TAB3: variants seen among roughly 807,000 people sequenced by gnomAD.
TAB3 encodes TGF-beta-activated kinase 1 and MAP3K7-binding protein 3.
TAB3 carries 18 observed loss-of-function variants against 48.1 expected under a neutral mutation model. The observed-to-expected ratio is 0.37, with a 90% confidence interval of 0.26 to 0.55. The LOEUF (loss-of-function observed/expected upper bound fraction) is 0.55. Ranked by LOEUF, TAB3 falls within the 20% of genes least tolerant of loss-of-function variation. The probability of loss-of-function intolerance (pLI) is 0.78; values close to 1 mark genes in which losing one functional copy is unlikely to be tolerated. For synonymous variants in TAB3, 185 were observed against 190.2 expected (o/e 0.97, Z 0.22); for missense variants, 414 against 549.8 (o/e 0.75, Z 2.47).
Position 30,855,270 on chromosome X carries a change from GCAA to G in TAB3, c.392_394del (p.Val131del). ...AAATGGATTGTAGTTGGGAGTAGCA[GCAA>G]CAACAGCTGGAGCTGAGTGTGGTTC... On this transcript the variant is annotated inframe_deletion, in exon 6 of 11. Transcript: ENST00000288422. 1 of 1,211,617 alleles carries G rather than the reference GCAA, an allele frequency of 8.3e-7. No individual in the cohort carries two copies. The highest frequency in any genetic ancestry group is 1.1e-6 in the Non-Finnish European group (1 of 895,431).
chrX:30,872,617 A>C (rs1045124851), intron 1 of TAB3, among the ~76,000 whole-genome samples: 7 of 112,778 alleles, frequency 6.2e-5, no homozygotes. Context: ...GTGAATGAGA[A>C]AGCAGTTTGT....
chrX:30,834,282 C>T (rs1938120847), intron 9 of TAB3, 130 bp from the exon 10 acceptor site: 3 of 529,800 alleles, frequency 5.7e-6, no homozygotes, highest in Admixed American at 6.6e-5. Flanking sequence ...CTTCATGTTA[C>T]CTTTAGCAAG....
At chrX:30,859,861 C>T (rs1379194660) in intron 4 of TAB3, 183 bp from the exon 5 acceptor site, 1 of 350,610 alleles carries the variant, frequency 2.9e-6, no homozygotes, top group Non-Finnish European at 4.8e-6. Flanking sequence ...CTGTGCTTAC[C>T]CTCACAGAAA....
chrX:30,844,849 T>C (rs1424966750), intron 8 of TAB3: 6 of 112,359 alleles, frequency 5.3e-5, no homozygotes, highest in Non-Finnish European at 9.4e-5. Context: ...TTAGACCGAG[T>C]CTCCTTCTGT....
At chrX:30,849,199 A>G (rs1487632449) in intron 7 of TAB3, among the ~76,000 whole-genome samples, 3 of 112,484 alleles carry the variant, frequency 2.7e-5, no homozygotes, top group Non-Finnish European at 5.6e-5. Flanking sequence ...CATTTCACAT[A>G]CAGATCTAAG....
At chrX:30,856,155 G>A (rs997400730) in intron 5 of TAB3, among the ~76,000 whole-genome samples, 2 of 111,173 alleles carry the variant, frequency 1.8e-5, no homozygotes, top group East Asian at 2.8e-4. Context: ...GAACCATTAC[G>A]TAAGATTTAA....
chrX:30,881,128 G>A (rs1171788580), intron 1 of TAB3, among the ~76,000 whole-genome samples: 6 of 111,121 alleles, frequency 5.4e-5, no homozygotes, highest in Admixed American at 3.8e-4. Flanking sequence ...AAAGAAGTCA[G>A]AGACAAAAGA....
Position 30,874,138 on chromosome X carries a change from C to T in TAB3, c.-382-2337G>A, listed in dbSNP as rs185196221. Among the ~76,000 whole-genome samples the T allele has an allele frequency of 3.8e-4, 42 of 111,817 alleles. No homozygotes were observed. The East Asian group carries it at 8.7e-3, about 23-fold the overall frequency. ...AGTGAACCATGATCATGCCACTGCA[C>T]TCTAGCCTGGGGGACAGAGTGAGAC... is the stretch of plus-strand genomic sequence containing the variant. On this transcript the variant is annotated intron_variant, in intron 1 of 10. Transcript: ENST00000288422.
At chrX:30,882,058 G>C (rs1353672398) in intron 1 of TAB3, among the ~76,000 whole-genome samples, 1 of 111,980 alleles carries the variant, frequency 8.9e-6, no homozygotes, top group African/African-American at 3.2e-5. Context: ...CAGCCTAACA[G>C]ATAACTTGCT....
intron 1 of TAB3, among the ~76,000 whole-genome samples, chrX:30,874,702 A>G (rs1288983422): frequency 8.9e-6 from 1 of 111,904 alleles, no homozygotes; most frequent in African/African-American, 3.3e-5. Context: ...GAAGTATAGG[A>G]GCATTGACTC....
chrX:30,831,308 C>T lies in TAB3; in HGVS notation c.*119G>A. On this transcript the variant is annotated 3_prime_UTR_variant, in exon 11 of 11. Coordinates refer to ENST00000288422, the MANE Select transcript of TAB3 (RefSeq NM_152787.5). ...CAACGACGACCACAAAGCCATTCCT[C>T]CTCCCCGCTGTGCAATCGAAAATGA... 1 of 871,278 alleles carries T rather than the reference C, an allele frequency of 1.1e-6. No homozygotes were observed. Among genetic ancestry groups the T allele is most frequent in the Non-Finnish European group, 1.5e-6 (1 of 650,036 alleles). The allele number at this position is 871,278 out of a possible 1,213,427, so 71.8% of individuals were successfully genotyped here.
rs751665169 is a variant in TAB3 at position 30,859,557 on chromosome X, T to C, written c.32A>G (p.Gln11Arg). 8.3e-7 allele frequency: 1 copy of C among 1,209,921 alleles called. No homozygotes were observed. Among genetic ancestry groups the C allele is most frequent in the Non-Finnish European group, 1.1e-6 (1 of 894,627 alleles). The change falls in exon 5 of 11, where the codon CAG (glutamine) becomes CGG (arginine). Residue 11 changes from glutamine (Q) to arginine (R), a missense_variant. Coordinates refer to ENST00000288422, the MANE Select transcript of TAB3 (RefSeq NM_152787.5). MAQSSPQLDI[Q>R]VLHDLRQRFP... ...ACGTTGTCGAAGATCATGGAGAACC[T>C]GAATATCAAGCTGTGGGCTGCTTTG...
intron 9 of TAB3, among the ~76,000 whole-genome samples, chrX:30,839,093 C>T (rs1480326054): frequency 9.0e-6 from 1 of 110,745 alleles, no homozygotes; most frequent in African/African-American, 3.3e-5. Flanking sequence ...TTGGTAAGTT[C>T]AGAATTGCAT....
chrX:30,883,804 G>T (rs193173160), intron 1 of TAB3, among the ~76,000 whole-genome samples: 209 of 111,462 alleles, frequency 1.9e-3, no homozygotes, highest in Non-Finnish European at 3.4e-3. Context: ...ATGTTGGGCT[G>T]GCTTGGGAAT....
At chrX:30,863,992 C>A (rs1165662559) in intron 4 of TAB3, among the ~76,000 whole-genome samples, 1 of 112,070 alleles carries the variant, frequency 8.9e-6, no homozygotes, top group Non-Finnish European at 1.9e-5. Context: ...AACTACTAAG[C>A]AAAATACACA....
At chrX:30,844,486 C>CT (rs2080105720) in intron 8 of TAB3, 1 of 112,436 alleles carries the variant, frequency 8.9e-6, no homozygotes, top group Non-Finnish European at 1.9e-5. Flanking sequence ...TCTTCAATTA[C>CT]TTGTTACAGC....
chrX:30,851,930 T>C (rs1210695289), intron 7 of TAB3, among the ~76,000 whole-genome samples: 4 of 112,334 alleles, frequency 3.6e-5, no homozygotes, highest in Non-Finnish European at 7.5e-5. Flanking sequence ...AGTTGATGTA[T>C]AAATTCTCTC....
At chrX:30,833,830 C>CAAAA (rs11316848) in intron 10 of TAB3, among the ~76,000 whole-genome samples, 2 of 51,614 alleles carry the variant, frequency 3.9e-5, no homozygotes, top group Non-Finnish European at 7.1e-5. Flanking sequence ...GACTCCGTCT[C>CAAAA]AAAAAAAAAA....
intron 9 of TAB3, among the ~76,000 whole-genome samples, chrX:30,840,506 G>A (rs1938401399): frequency 9.0e-6 from 1 of 111,347 alleles, no homozygotes; most frequent in African/African-American, 3.3e-5. Context: ...CGCATGATAT[G>A]GTTTGTCTGT....
Sources: allele counts gnomAD v4.1 joint callset (sites outside exome capture counted in the v4.1 genomes callset), GRCh38; gene constraint gnomAD v4.1.1; transcripts MANE v1.5; gene names NCBI Gene and HGNC (gene_info 2026-07-23, HGNC 2026-07-21).